ZNG1A: variants seen among roughly 807,000 people sequenced by gnomAD.
The protein encoded by ZNG1A is Zn regulated GTPase metalloprotein activator 1A.
the ZNG1A span, chr9:177,792 A>C: frequency 1.3e-6 from 2 of 1,532,710 alleles, no homozygotes; most frequent in Non-Finnish European, 1.8e-6. Flanking sequence ...AAATTTGTTC[A>C]TCTTCTCAGC....
At chr9:136,893 A>C in the ZNG1A span, among the ~76,000 whole-genome samples, 6 of 151,652 alleles carry the variant, frequency 4.0e-5, no homozygotes, top group African/African-American at 1.5e-4. Context: ...AAAAATAAAA[A>C]ATTAGCCAGG....
chr9:174,004 A>G, the ZNG1A span, among the ~76,000 whole-genome samples: 3 of 151,972 alleles, frequency 2.0e-5, no homozygotes, highest in African/African-American at 7.3e-5. Context: ...AAAATTAGCC[A>G]GGTGTGGTAG....
At chr9:154,317 C>T in the ZNG1A span, 1 of 302,684 alleles carries the variant, frequency 3.3e-6, no homozygotes, top group African/African-American at 2.2e-5. Context: ...CAAGAAAGAA[C>T]TCAGGGATTG....
chr9:178,929 G>T, the ZNG1A span: 1 of 1,119,440 alleles, frequency 8.9e-7, no homozygotes, highest in African/African-American at 1.5e-5. Context: ...CTCCTCCGCA[G>T]GATCCTCCTC....
the ZNG1A span, among the ~76,000 whole-genome samples, chr9:155,876 G>A: frequency 4.0e-5 from 6 of 148,506 alleles, no homozygotes; most frequent in South Asian, 2.2e-4. Context: ...AGGCCGAGGC[G>A]GGTGGATCGA....
At chr9:149,301 A>C in the ZNG1A span, 1 of 151,110 alleles carries the variant, frequency 6.6e-6, no homozygotes, top group African/African-American at 2.5e-5. Flanking sequence ...CCTTTGTGGT[A>C]AGTTCTCTAT....
At chr9:168,586 C>T in the ZNG1A span, among the ~76,000 whole-genome samples, 4 of 149,978 alleles carry the variant, frequency 2.7e-5, no homozygotes, top group African/African-American at 1.0e-4. Context: ...AAATGGCCTC[C>T]TTTTGGAAGA....
chr9:128,599 TTA>T, the ZNG1A span, among the ~76,000 whole-genome samples: 4 of 147,462 alleles, frequency 2.7e-5, no homozygotes, highest in East Asian at 7.9e-4. Flanking sequence ...ATCTTTTTTT[TTA>T]TATATCTTTA....
chr9:139,179 TA>T, the ZNG1A span, among the ~76,000 whole-genome samples: 1 of 149,812 alleles, frequency 6.7e-6, no homozygotes, highest in African/African-American at 2.5e-5. Context: ...AATGGAATAT[TA>T]TTCAGACTTA....
the ZNG1A span, chr9:161,762 T>G: frequency 3.9e-6 from 2 of 514,676 alleles, no homozygotes; most frequent in African/African-American, 4.0e-5. Flanking sequence ...TCTAGGACCT[T>G]AGAAGTTAAC....
chr9:152,411 T>A, the ZNG1A span, among the ~76,000 whole-genome samples: 3 of 152,302 alleles, frequency 2.0e-5, no homozygotes, highest in Admixed American at 6.5e-5. Flanking sequence ...TATCCTAGTG[T>A]TCTTAAAAAT....
the ZNG1A span, among the ~76,000 whole-genome samples, chr9:160,879 C>A: frequency 2.3e-4 from 35 of 150,774 alleles, no homozygotes; most frequent in African/African-American, 8.4e-4. Flanking sequence ...TTGCTACCTC[C>A]ATAAGCATTT....
At chr9:154,253 G>T in the ZNG1A span, 15 of 175,044 alleles carry the variant, frequency 8.6e-5, no homozygotes, top group East Asian at 1.4e-4. Flanking sequence ...ACATAGGAAG[G>T]GGGGAGAGAC....
chr9:146,208 T>C, the ZNG1A span: 9 of 1,584,134 alleles, frequency 5.7e-6, no homozygotes, highest in East Asian at 2.2e-5. Flanking sequence ...GTGAAATACA[T>C]CCAGTTAATC....
the ZNG1A span, among the ~76,000 whole-genome samples, chr9:140,672 C>G: frequency 6.6e-5 from 10 of 152,048 alleles, no homozygotes; most frequent in African/African-American, 2.2e-4. Flanking sequence ...TCACCAGCAA[C>G]GGAACAAAGC....
At chr9:174,646 C>A in the ZNG1A span, among the ~76,000 whole-genome samples, 2 of 149,850 alleles carry the variant, frequency 1.3e-5, no homozygotes, top group African/African-American at 5.0e-5. Flanking sequence ...TTTATTAAAA[C>A]CAGAAATCGA....
chr9:128,433 G>A, the ZNG1A span, among the ~76,000 whole-genome samples: 3 of 151,602 alleles, frequency 2.0e-5, no homozygotes, highest in African/African-American at 2.4e-5. Context: ...CTTGTCTTCA[G>A]GCTCTGAATT....
the ZNG1A span, chr9:122,507 G>A: frequency 1.9e-6 from 2 of 1,048,040 alleles, no homozygotes; most frequent in Non-Finnish European, 2.3e-6. Flanking sequence ...TAAATAATTT[G>A]TTTTAGAAAT....
chr9:158,742 A>C, the ZNG1A span, among the ~76,000 whole-genome samples: 1 of 151,388 alleles, frequency 6.6e-6, no homozygotes, highest in Non-Finnish European at 1.5e-5. Flanking sequence ...AGAGCCTGCC[A>C]ATATTTACAG....
Sources: allele counts gnomAD v4.1 joint callset (sites outside exome capture counted in the v4.1 genomes callset), GRCh38; gene constraint gnomAD v4.1.1; transcripts MANE v1.5; gene names NCBI Gene and HGNC (gene_info 2026-07-23, HGNC 2026-07-21).